Variants in CELF5 observed in about 807,000 individuals in gnomAD.
The protein encoded by CELF5 is CUGBP Elav-like family member 5.
Under a neutral mutation model 54.9 loss-of-function variants are expected in CELF5, and 6 were observed. The observed-to-expected ratio is 0.11, with a 90% CI of 0.06 to 0.22. The LOEUF (loss-of-function observed/expected upper bound fraction) is 0.22, where lower values mean the gene tolerates loss of function less well. Ranked by LOEUF, CELF5 falls within the 10% of genes least tolerant of loss-of-function variation. The pLI, the probability that CELF5 is intolerant of heterozygous loss-of-function variation, is 1.00. For synonymous variants in CELF5, 271 were observed against 290.9 expected (o/e 0.93, Z 0.70); for missense variants, 401 against 678.6 (o/e 0.59, Z 4.54).
Position 3,281,431 on chromosome 19 carries a change from C to T in CELF5, c.750+86C>T. 1 of 1,455,830 alleles carries T rather than the reference C, an allele frequency of 6.9e-7. No individual in the cohort carries two copies. The highest frequency in any genetic ancestry group is 9.3e-7 in the Non-Finnish European group (1 of 1,070,726). The allele number at this position is 1,455,830 out of a possible 1,614,324, so 90.2% of individuals were successfully genotyped here. ...CTCTGTCGGGCTCCTGCCTCTCCCT[C>T]CATCTCCCTGACTCAGGGTCCTCTC... On this transcript the variant is annotated intron_variant, in intron 6 of 12. Transcript: ENST00000292672. The surrounding 1 kb of genome is among the most constrained non-coding windows in gnomAD (Gnocchi z 6.5).
rs867008575 is a variant in CELF5, at chr19:3,291,378, C to T, written c.1330+1004C>T. The stretch of plus-strand genomic sequence containing the variant: ...CAGAAGATCGAGACATCCTGGCTAA[C>T]ACAGTGAAACCCCCATCTCTACTAA... On this transcript the variant is annotated intron_variant, in intron 11 of 12. Transcript: ENST00000292672. Among the ~76,000 whole-genome samples the T allele has an allele frequency of 2.0e-5, 3 of 152,010 alleles. No individual in the cohort carries two copies. The Middle Eastern group carries it at 0.01, about 517-fold the overall frequency.
intron 10 of CELF5, among the ~76,000 whole-genome samples, chr19:3,289,332 G>C (rs1412847492): frequency 1.3e-5 from 2 of 152,076 alleles, no homozygotes; most frequent in African/African-American, 4.8e-5. Flanking sequence ...GAGGAAGGAG[G>C]ATCGGTTGAG....
intron 3 of CELF5, 148 bp downstream of exon 3, chr19:3,274,071 A>C: frequency 1.3e-6 from 1 of 748,786 alleles, no homozygotes; most frequent in Non-Finnish European, 2.3e-6. Flanking sequence ...AGCATGCAGT[A>C]GTCGCATGCC....
rs1206346204 is a variant in CELF5 at position 3,281,587 on chromosome 19, C to T, written c.750+242C>T. On this transcript the variant is annotated intron_variant, in intron 6 of 12. Coordinates refer to ENST00000292672, the MANE Select transcript of CELF5 (RefSeq NM_021938.4). The surrounding 1 kb of genome is among the most constrained non-coding windows in gnomAD (Gnocchi z 6.5). ...AGCCCCAGAACCTGGCTATGCTCCA[C>T]GTCTAAATTAGGCCCAATTCTGGCT... 2.0e-5 allele frequency among the ~76,000 whole-genome samples: 3 copies of T among 152,176 alleles called. No individual in the cohort carries two copies. Among genetic ancestry groups the T allele is most frequent in the African/African-American group, 4.8e-5 (2 of 41,440 alleles).
At position 3,251,652 on chromosome 19, in the gene CELF5, C is replaced by CTTTT. The variant is rs1195812856; in HGVS notation, c.342+604_342+607dup. Among the ~76,000 whole-genome samples the CTTTT allele has an allele frequency of 8.2e-3, 552 of 66,952 alleles. 1 individual carries two copies. The highest frequency in any genetic ancestry group is 0.012 in the East Asian group (23 of 1,900). 43.9% of individuals were successfully genotyped at this position (66,952 alleles called of 152,430 possible). On this transcript the variant is annotated intron_variant, in intron 2 of 12. Coordinates refer to ENST00000292672, the MANE Select transcript of CELF5 (RefSeq NM_021938.4). ...CCACAGTTCCTTAACACAAGGGCTT[C>CTTTT]TTTTTTTTTTTTTTTTTTTTTTGTT...
intron 4 of CELF5, 65 bp from the exon 5 acceptor site, chr19:3,277,966 T>C (rs2080083409): frequency 7.8e-7 from 1 of 1,286,602 alleles, no homozygotes; most frequent in African/African-American, 1.5e-5. Context: ...CCCTCTCCTG[T>C]GGCCCCCGCT....
intron 1 of CELF5, among the ~76,000 whole-genome samples, chr19:3,249,922 A>C (rs1306688558): frequency 2.0e-5 from 3 of 148,908 alleles, no homozygotes; most frequent in African/African-American, 5.0e-5. Context: ...CCCTCTGCCC[A>C]CTCCCCTCAC....
At chr19:3,267,748 G>C (rs2079902983) in intron 2 of CELF5, among the ~76,000 whole-genome samples, 2 of 152,160 alleles carry the variant, frequency 1.3e-5, no homozygotes, top group African/African-American at 4.8e-5. Context: ...GTCCTTCCCT[G>C]CTCAGACGTG....
intron 2 of CELF5, among the ~76,000 whole-genome samples, chr19:3,263,762 G>A (rs1316143022): frequency 3.3e-5 from 5 of 151,338 alleles, no homozygotes; most frequent in Admixed American, 1.3e-4. Flanking sequence ...AAAATGAGCC[G>A]GGCGTGGTGG....
chr19:3,265,784 C>CTTTAT (rs1283252755), intron 2 of CELF5, among the ~76,000 whole-genome samples: 1 of 152,058 alleles, frequency 6.6e-6, no homozygotes, highest in African/African-American at 2.4e-5. Context: ...TTCTTGATTA[C>CTTTAT]TTTCTTTTCT....
At chr19:3,238,948 A>C (rs1038806770) in intron 1 of CELF5, among the ~76,000 whole-genome samples, 7 of 151,964 alleles carry the variant, frequency 4.6e-5, no homozygotes, top group Non-Finnish European at 7.4e-5. Flanking sequence ...AAAAAATAAA[A>C]ATTAAGGATG....
In CELF5 at chr19:3,259,177, C is replaced by T. The variant is rs368756966; in HGVS notation, c.342+8110C>T. On this transcript the variant is annotated intron_variant, in intron 2 of 12. Coordinates refer to ENST00000292672, the MANE Select transcript of CELF5 (RefSeq NM_021938.4). Reference sequence around the variant, plus strand: ...ACCAAGATTTGGAGGCCAGAACATGCCCAGTGTGCTGTTGAGTGGCAGCTC... The same window carrying T: ...ACCAAGATTTGGAGGCCAGAACATGTCCAGTGTGCTGTTGAGTGGCAGCTC... 3.3e-5 allele frequency among the ~76,000 whole-genome samples: 5 copies of T among 152,208 alleles called. No individual in the cohort carries two copies. In the East Asian group the frequency reaches 5.8e-4, roughly 18 times the overall value.
At chr19:3,227,033 G>A (rs933904976) in intron 1 of CELF5, among the ~76,000 whole-genome samples, 2 of 152,096 alleles carry the variant, frequency 1.3e-5, no homozygotes, top group East Asian at 3.9e-4. Context: ...CACGACAGCC[G>A]GCAATCACCC....
At chr19:3,280,230 G>A (rs907517673) in intron 5 of CELF5, among the ~76,000 whole-genome samples, 10 of 152,088 alleles carry the variant, frequency 6.6e-5, no homozygotes, top group Non-Finnish European at 1.3e-4. Context: ...GCTACTGTCC[G>A]CTGTCCACTG....
intron 1 of CELF5, among the ~76,000 whole-genome samples, chr19:3,234,804 TCTC>T (rs961404166): frequency 6.6e-6 from 1 of 151,960 alleles, no homozygotes; most frequent in African/African-American, 2.4e-5. Context: ...CCCACTTCTC[TCTC>T]CTCTGCCTTC....
At chr19:3,272,006 A>T (rs755462220) in intron 2 of CELF5, among the ~76,000 whole-genome samples, 5 of 152,204 alleles carry the variant, frequency 3.3e-5, no homozygotes, top group African/African-American at 4.8e-5. Context: ...CAATGTTGAC[A>T]TCTGTAGAAA....
intron 4 of CELF5, among the ~76,000 whole-genome samples, chr19:3,277,298 AC>A (rs1172035449): frequency 1.3e-5 from 2 of 151,290 alleles, no homozygotes; most frequent in East Asian, 3.9e-4. Flanking sequence ...AGATGGTGAA[AC>A]CCGTCTCTAC....
At chr19:3,267,529 CAGAG>C (rs1383172044) in intron 2 of CELF5, among the ~76,000 whole-genome samples, 1 of 152,180 alleles carries the variant, frequency 6.6e-6, no homozygotes, top group East Asian at 1.9e-4. Context: ...TTCCTGGAGA[CAGAG>C]AGCCCCCCAA....
At chr19:3,244,559 C>A (rs529536616) in intron 1 of CELF5, among the ~76,000 whole-genome samples, 1 of 136,868 alleles carries the variant, frequency 7.3e-6, no homozygotes, top group Non-Finnish European at 1.5e-5. Context: ...GCATGCATTG[C>A]GTGTGATGTG....
Sources: allele counts gnomAD v4.1 joint callset (sites outside exome capture counted in the v4.1 genomes callset), GRCh38; gene constraint gnomAD v4.1.1; non-coding constraint Gnocchi (gnomAD v3.1); transcripts MANE v1.5; gene names NCBI Gene and HGNC (gene_info 2026-07-23, HGNC 2026-07-21).